Variants in TBC1D19 observed in about 807,000 individuals in gnomAD.
TBC1D19 encodes TBC1 domain family member 19.
A neutral mutation model predicts 89.0 loss-of-function variants in TBC1D19; 60 were observed. The observed-to-expected ratio is 0.67, with a 90% CI of 0.55 to 0.84. The LOEUF (loss-of-function observed/expected upper bound fraction) is 0.84. Ranked by LOEUF, TBC1D19 falls within the 40% of genes least tolerant of loss-of-function variation. The pLI is 0.00. For missense variants in TBC1D19, 500 were observed against 610.8 expected (o/e 0.82, Z 1.91); for synonymous variants, 189 against 199.7 (o/e 0.95, Z 0.45).
intron 15 of TBC1D19, among the ~76,000 whole-genome samples, chr4:26,726,126 AACACACACACACACACACACAC>A (rs56262902): frequency 4.8e-4 from 61 of 127,178 alleles, no homozygotes; most frequent in African/African-American, 1.4e-3. Context: ...CAATTCTCCC[AACACACACACACACACACACAC>A]ACACACACAC....
At chr4:26,702,722 T>C (rs1312055400) in intron 13 of TBC1D19, among the ~76,000 whole-genome samples, 1 of 152,216 alleles carries the variant, frequency 6.6e-6, no homozygotes, top group Non-Finnish European at 1.5e-5. Flanking sequence ...AGAACACTTA[T>C]CACAAGGTCT....
At chr4:26,709,773 C>T (rs1317318363) in intron 13 of TBC1D19, among the ~76,000 whole-genome samples, 1 of 152,004 alleles carries the variant, frequency 6.6e-6, no homozygotes, top group Non-Finnish European at 1.5e-5. Flanking sequence ...CAGTAGCTGC[C>T]AGTGCAATTT....
At chr4:26,688,293 T>C in intron 12 of TBC1D19, 52 bp from the exon 13 acceptor site, 4 of 1,536,988 alleles carry the variant, frequency 2.6e-6, no homozygotes, top group Middle Eastern at 1.7e-4. Context: ...GCTTTAGTAC[T>C]ACAGACAGAT....
intron 11 of TBC1D19, among the ~76,000 whole-genome samples, chr4:26,678,945 G>A (rs1713090375): frequency 2.0e-5 from 3 of 152,124 alleles, no homozygotes; most frequent in African/African-American, 7.2e-5. Flanking sequence ...ACTTGAGAGA[G>A]TTAATTTAGG....
chr4:26,771,401 A>T, the TBC1D19 span, among the ~76,000 whole-genome samples: 1 of 152,242 alleles, frequency 6.6e-6, no homozygotes, highest in African/African-American at 2.4e-5. Flanking sequence ...TCACTGCAAC[A>T]TTATTCCTAA....
intron 7 of TBC1D19, among the ~76,000 whole-genome samples, chr4:26,644,099 A>G (rs970086345): frequency 1.3e-5 from 2 of 152,212 alleles, no homozygotes; most frequent in Non-Finnish European, 2.9e-5. Context: ...CCGGATACCA[A>G]AGCCTGGCAG....
At chr4:26,588,024 C>CTTTTTT (rs573029265) in intron 1 of TBC1D19, among the ~76,000 whole-genome samples, 18 of 119,324 alleles carry the variant, frequency 1.5e-4, no homozygotes, top group African/African-American at 5.6e-4. Flanking sequence ...CATATGTGTT[C>CTTTTTT]TTTTTTTTTT....
At chr4:26,612,556 A>G (rs191847536) in intron 1 of TBC1D19, among the ~76,000 whole-genome samples, 7 of 152,214 alleles carry the variant, frequency 4.6e-5, no homozygotes, top group Admixed American at 6.5e-5. Context: ...GAACATCAAC[A>G]CTTTGAGAGT....
At chr4:26,820,219 A>G in the TBC1D19 span, among the ~76,000 whole-genome samples, 1 of 152,100 alleles carries the variant, frequency 6.6e-6, no homozygotes, top group African/African-American at 2.4e-5. Context: ...TATGTGATAC[A>G]TTGTTATTCA....
At chr4:26,652,361 G>T (rs1332694664) in intron 7 of TBC1D19, among the ~76,000 whole-genome samples, 1 of 152,036 alleles carries the variant, frequency 6.6e-6, no homozygotes, top group Non-Finnish European at 1.5e-5. Context: ...TTTTTGGTTG[G>T]TAAGCTATTA....
intron 1 of TBC1D19, chr4:26,584,945 A>G (rs1379936739): frequency 1.0e-5 from 2 of 193,682 alleles, no homozygotes; most frequent in East Asian, 3.3e-4. Flanking sequence ...TGCTTTTGAG[A>G]TTCATCCATT....
the TBC1D19 span, among the ~76,000 whole-genome samples, chr4:26,840,343 A>G: frequency 6.6e-6 from 1 of 152,070 alleles, no homozygotes; most frequent in Non-Finnish European, 1.5e-5. Context: ...TGGCCTCCCA[A>G]AGTCCTGGGA....
At chr4:26,775,520 G>T in the TBC1D19 span, among the ~76,000 whole-genome samples, 146 of 152,266 alleles carry the variant, frequency 9.6e-4, no homozygotes, top group African/African-American at 3.4e-3. Context: ...TTTAAGAGAT[G>T]ATTAGGCTAT....
chr4:26,790,680 G>A, the TBC1D19 span, among the ~76,000 whole-genome samples: 1 of 152,164 alleles, frequency 6.6e-6, no homozygotes, highest in Non-Finnish European at 1.5e-5. Context: ...CAGCTGTAAA[G>A]TTTGCATTCT....
chr4:26,684,549 GA>G (rs1319744125), intron 12 of TBC1D19, among the ~76,000 whole-genome samples: 2 of 152,152 alleles, frequency 1.3e-5, no homozygotes, highest in African/African-American at 2.4e-5. Context: ...CATGGCAACT[GA>G]AAAACAGCTC....
chr4:26,851,571 C>G, the TBC1D19 span, among the ~76,000 whole-genome samples: 1 of 152,184 alleles, frequency 6.6e-6, no homozygotes, highest in Admixed American at 6.5e-5. Context: ...GATGTAAACT[C>G]AAGCTACTGA....
chr4:26,644,116 A>G (rs928918688), intron 7 of TBC1D19, among the ~76,000 whole-genome samples: 2 of 152,216 alleles, frequency 1.3e-5, no homozygotes, highest in East Asian at 3.8e-4. Context: ...GCAGAGACAC[A>G]GCAAAAAAAG....
At chr4:26,710,268 G>A (rs1716072733) in intron 13 of TBC1D19, among the ~76,000 whole-genome samples, 1 of 152,016 alleles carries the variant, frequency 6.6e-6, no homozygotes, top group Admixed American at 6.5e-5. Flanking sequence ...ACCTATGAGT[G>A]AGAACATGCG....
At chr4:26,641,270 A>C (rs1445710598) in intron 7 of TBC1D19, among the ~76,000 whole-genome samples, 1 of 152,244 alleles carries the variant, frequency 6.6e-6, no homozygotes, top group Non-Finnish European at 1.5e-5. Flanking sequence ...CCGCTGGTGA[A>C]ACCCAGGCAA....
Sources: allele counts gnomAD v4.1 joint callset (sites outside exome capture counted in the v4.1 genomes callset), GRCh38; gene constraint gnomAD v4.1.1; transcripts MANE v1.5; gene names NCBI Gene and HGNC (gene_info 2026-07-23, HGNC 2026-07-21).